MMP9: variants seen among roughly 807,000 people sequenced by gnomAD.
MMP9 encodes the protein matrix metallopeptidase 9.
A neutral mutation model predicts 76.4 loss-of-function variants in MMP9; 73 were observed. That is an observed-to-expected ratio of 0.96 (90% confidence interval 0.79 to 1.16). The LOEUF is 1.16. Among genes scored for constraint, MMP9 ranks in the 50% most tolerant of loss-of-function variants. MMP9 has a pLI of 0.00. For synonymous variants in MMP9, 412 were observed against 408.4 expected, an observed-to-expected ratio of 1.01 and a Z score of -0.11; for missense variants, 943 against 973.0, an observed-to-expected ratio of 0.97 and a Z score of 0.41.
Position 46,013,765 on chromosome 20 carries a change from G to C in MMP9, c.1719G>C (p.Glu573Asp), listed in dbSNP as rs781210808. 5.6e-6 allele frequency: 9 copies of C among 1,613,444 alleles called. No homozygotes were observed. The South Asian group carries it at 9.9e-5, about 18-fold the overall frequency. Reference protein sequence around the residue: ...LPRKLDSVFEERLSKKLFFFS... With the variant: ...LPRKLDSVFEDRLSKKLFFFS... ...GCAAGCTGGACTCGGTCTTTGAGGAGCGGCTCTCCAAGAAGCTTTTCTTCT... is the reference window on the plus strand; with the variant it reads ...GCAAGCTGGACTCGGTCTTTGAGGACCGGCTCTCCAAGAAGCTTTTCTTCT... The change falls in exon 10 of 13, where the codon GAG (glutamate) becomes GAC (aspartate). Residue 573 changes from glutamate (E) to aspartate (D), a missense_variant. Physicochemically the swap from Glu to Asp is conservative, Grantham distance 45. Transcript: ENST00000372330. The surrounding 1 kb of genome is among the most constrained non-coding windows in gnomAD (Gnocchi z 4.5).
At position 46,013,641 on chromosome 20, in the gene MMP9, C is replaced by T; in HGVS notation, c.1611-16C>T. ...CCAAGGCTTAGAGCCCGTCCTTTCCCTCCTCGCTTTCTCAGGAAGTACTGG... is the reference window on the plus strand; with the variant it reads ...CCAAGGCTTAGAGCCCGTCCTTTCCTTCCTCGCTTTCTCAGGAAGTACTGG... On this transcript the variant is annotated splice_polypyrimidine_tract_variant and intron_variant, in intron 9 of 12. Coordinates refer to ENST00000372330, the MANE Select transcript of MMP9 (RefSeq NM_004994.3). The surrounding 1 kb of genome is among the most constrained non-coding windows in gnomAD (Gnocchi z 4.5). 1.9e-6 allele frequency: 3 copies of T among 1,614,112 alleles called. No individual in the cohort carries two copies. Among genetic ancestry groups the T allele is most frequent in the Non-Finnish European group, 2.5e-6 (3 of 1,180,002 alleles).
At position 46,014,491 on chromosome 20, in the gene MMP9, A is replaced by T; in HGVS notation, c.2005+17A>T. 6.5e-7 allele frequency: 1 copy of T among 1,547,676 alleles called. No individual in the cohort carries two copies. The highest frequency in any genetic ancestry group is 8.7e-7 in the Non-Finnish European group (1 of 1,145,876). ...AGTACCGAGGTGAGGGCTGAGGAGG[A>T]TCCCTTCGTGAGACACCACACTAAG... On this transcript the variant is annotated intron_variant, in intron 12 of 12. Transcript: ENST00000372330.
Position 46,014,355 on chromosome 20 carries a change from C to G in MMP9, c.1902-16C>G. Reference sequence around the variant, plus strand: ...CTAGCCGGCTCAGCACCTGTCTCCTCCGCGCCTGCCCGCAGGTTCGACGTG... The same window carrying G: ...CTAGCCGGCTCAGCACCTGTCTCCTGCGCGCCTGCCCGCAGGTTCGACGTG... On this transcript the variant is annotated splice_polypyrimidine_tract_variant and intron_variant, in intron 11 of 12. Transcript: ENST00000372330. 1 of 1,545,944 alleles carries G rather than the reference C, an allele frequency of 6.5e-7. No homozygotes were observed. The highest frequency in any genetic ancestry group is 8.7e-7 in the Non-Finnish European group (1 of 1,146,886).
intron 2 of MMP9, 105 bp from the exon 3 acceptor site, chr20:46,010,378 G>A: frequency 8.5e-7 from 1 of 1,174,270 alleles, no homozygotes; most frequent in Non-Finnish European, 1.3e-6. Context: ...AGCGTGGACG[G>A]CAGAGAGCAT....
rs144229833 is a variant in MMP9, at chr20:46,011,275, A to C, written c.782A>C (p.Asn261Thr). Residue 261 changes from asparagine (N) to threonine (T), a missense_variant, in exon 5 of 13, where the codon AAC (asparagine) becomes ACC (threonine). Coordinates refer to ENST00000372330, the MANE Select transcript of MMP9 (RefSeq NM_004994.3). The part of the protein sequence containing the change: ...DGLPWCSTTA[N>T]YDTDDRFGFC... ...TTGCCCTGGTGCAGTACCACGGCCA[A>C]CTACGACACCGACGACCGGTTTGGC... 5.6e-6 allele frequency: 9 copies of C among 1,610,116 alleles called. No homozygotes were observed. Among genetic ancestry groups the C allele is most frequent in the Non-Finnish European group, 7.6e-6 (9 of 1,179,098 alleles).
chr20:46,011,863 G>A, intron 6 of MMP9, 116 bp downstream of exon 6: 11 of 1,301,044 alleles, frequency 8.5e-6, no homozygotes, highest in Non-Finnish European at 1.2e-5. Flanking sequence ...TCCTCAGGAC[G>A]ACCGTGACTC....
At chr20:46,016,021 C>T (rs936253423) in intron 12 of MMP9, among the ~76,000 whole-genome samples, 1 of 152,194 alleles carries the variant, frequency 6.6e-6, no homozygotes, top group African/African-American at 2.4e-5. Flanking sequence ...GTATGGTGTA[C>T]CTACTGTGTG....
chr20:46,016,292 G>A lies in MMP9; in HGVS notation c.2048G>A (p.Ser683Asn). 6.2e-7 allele frequency: 1 copy of A among 1,614,236 alleles called. No homozygotes were observed. Among genetic ancestry groups the A allele is most frequent in the South Asian group, 1.1e-5 (1 of 91,084 alleles). Residue 683 changes from serine (S) to asparagine (N), a missense_variant, in exon 13 of 13, where the codon AGT becomes AAT. Ser to Asn is a conservative substitution (Grantham distance 46). Coordinates refer to ENST00000372330, the MANE Select transcript of MMP9 (RefSeq NM_004994.3). ...FCQDRFYWRV[S>N]SRSELNQVDQ... ...CAGGACCGCTTCTACTGGCGCGTGA[G>A]TTCCCGGAGTGAGTTGAACCAGGTG...
chr20:46,014,094 C>T, intron 10 of MMP9, 30 bp from the exon 11 acceptor site: 1 of 1,534,162 alleles, frequency 6.5e-7, no homozygotes, highest in East Asian at 2.4e-5. Flanking sequence ...CTCTGCGCCC[C>T]CAAACCGACG....
chr20:46,010,663 CCT>C, intron 3 of MMP9, 32 bp downstream of exon 3: 1 of 1,601,726 alleles, frequency 6.2e-7, no homozygotes, highest in Non-Finnish European at 8.5e-7. Context: ...ATCCAAGAGA[CCT>C]GGGCGGGGTC....
intron 6 of MMP9, 74 bp from the exon 7 acceptor site, chr20:46,012,063 T>C: frequency 6.3e-7 from 1 of 1,575,332 alleles, no homozygotes; most frequent in Non-Finnish European, 8.7e-7. Context: ...ATTGTTTAGC[T>C]CCCTGTCGGG....
At position 46,014,186 on chromosome 20, in the gene MMP9, G is replaced by C; in HGVS notation, c.1813G>C (p.Gly605Arg). 1 of 1,539,296 alleles carries C rather than the reference G, an allele frequency of 6.5e-7. No homozygotes were observed. The highest frequency in any genetic ancestry group is 8.7e-7 in the Non-Finnish European group (1 of 1,145,830). ...VLGPRRLDKLGLGADVAQVTG... is the reference protein window; with the variant it reads ...VLGPRRLDKLRLGADVAQVTG... ...GGGCCCGAGGCGTCTGGACAAGCTG[G>C]GCCTGGGAGCCGACGTGGCCCAGGT... is the stretch of plus-strand genomic sequence containing the variant. Residue 605 changes from glycine (G) to arginine (R), a missense_variant, in exon 11 of 13, where the codon GGC becomes CGC. Transcript: ENST00000372330.
Position 46,009,005 on chromosome 20 carries a change from A to G in MMP9, c.79A>G (p.Thr27Ala), listed in dbSNP as rs2084259085. 8 of 1,613,802 alleles carry G rather than the reference A, an allele frequency of 5.0e-6. No individual in the cohort carries two copies. The highest frequency in any genetic ancestry group is 5.1e-6 in the Non-Finnish European group (6 of 1,179,924). Reference sequence around the variant, plus strand: ...TGCTGCCCCCAGACAGCGCCAGTCCACCCTTGTGCTCTTCCCTGGAGACCT... The same window carrying G: ...TGCTGCCCCCAGACAGCGCCAGTCCGCCCTTGTGCTCTTCCCTGGAGACCT... ...CFAAPRQRQSTLVLFPGDLRT... is the reference protein window; with the variant it reads ...CFAAPRQRQSALVLFPGDLRT... The change falls in exon 1 of 13, where the codon ACC becomes GCC. Residue 27 changes from threonine to alanine, a missense_variant. By Grantham distance (58) the Thr-to-Ala change is moderately conservative. Transcript: ENST00000372330.
chr20:46,015,573 C>T (rs529520108), intron 12 of MMP9, among the ~76,000 whole-genome samples: 53 of 151,688 alleles, frequency 3.5e-4, no homozygotes, highest in Non-Finnish European at 7.1e-4. Context: ...GCCTCAGCCT[C>T]CCAAGTAGCT....
In MMP9 at chr20:46,011,247, G is replaced by T. The variant is rs760957320; in HGVS notation, c.754G>T (p.Gly252Cys). 19 of 1,613,152 alleles carry T rather than the reference G, an allele frequency of 1.2e-5. No homozygotes were observed. The South Asian group carries it at 2.0e-4, about 17-fold the overall frequency. Reference sequence around the variant, plus strand: ...CTGCACCACCGACGGTCGCTCCGACGGCTTGCCCTGGTGCAGTACCACGGC... The same window carrying T: ...CTGCACCACCGACGGTCGCTCCGACTGCTTGCCCTGGTGCAGTACCACGGC... Reference protein sequence around the residue: ...SACTTDGRSDGLPWCSTTANY... With the variant: ...SACTTDGRSDCLPWCSTTANY... Residue 252 changes from glycine to cysteine, a missense_variant, in exon 5 of 13, where the codon GGC becomes TGC. Physicochemically the swap from Gly to Cys is radical, Grantham distance 159. Transcript: ENST00000372330.
In MMP9 at chr20:46,010,871, T is replaced by A. The variant is rs750553596; in HGVS notation, c.521-51T>A. 4.3e-6 allele frequency: 7 copies of A among 1,613,972 alleles called. No homozygotes were observed. In the African/African-American group the frequency reaches 6.7e-5, roughly 15 times the overall value. ...AGCCCTTGCCTTGGGCAGCGCACAA[T>A]CTGCGCAGCAGTACTCGGCTAACCC... On this transcript the variant is annotated intron_variant, in intron 3 of 12. Transcript: ENST00000372330.
intron 5 of MMP9, 39 bp downstream of exon 5, chr20:46,011,355 C>G (rs774058590): frequency 1.3e-6 from 2 of 1,593,272 alleles, no homozygotes; most frequent in Non-Finnish European, 1.7e-6. Flanking sequence ...GGGCGCCCAC[C>G]ACCCTTGATG....
chr20:46,013,913 C>G lies in MMP9; in HGVS notation c.1750+117C>G. 2 of 1,487,306 alleles carry G rather than the reference C, an allele frequency of 1.3e-6. No homozygotes were observed. 92.1% of individuals were successfully genotyped at this position (1,487,306 alleles called of 1,614,324 possible). A position where few individuals can be genotyped will look rare whatever the true frequency, so the allele number is the denominator to read the frequency against. On this transcript the variant is annotated intron_variant, in intron 10 of 12. Coordinates refer to ENST00000372330, the MANE Select transcript of MMP9 (RefSeq NM_004994.3). The surrounding 1 kb of genome is among the most constrained non-coding windows in gnomAD (Gnocchi z 4.5). Reference sequence around the variant, plus strand: ...CGTTTTAGAAAAATACGCCCCCTGGCGGACGCAGTTTAGCAAACGTAGGGG... The same window carrying G: ...CGTTTTAGAAAAATACGCCCCCTGGGGGACGCAGTTTAGCAAACGTAGGGG...
At chr20:46,012,096 A>G in intron 6 of MMP9, 41 bp from the exon 7 acceptor site, 1 of 1,607,680 alleles carries the variant, frequency 6.2e-7, no homozygotes, top group Non-Finnish European at 8.5e-7. Context: ...TCCTTATTGG[A>G]CTCATCCATC....
Sources: allele counts gnomAD v4.1 joint callset (sites outside exome capture counted in the v4.1 genomes callset), GRCh38; gene constraint gnomAD v4.1.1; non-coding constraint Gnocchi (gnomAD v3.1); transcripts MANE v1.5; gene names NCBI Gene and HGNC (gene_info 2026-07-23, HGNC 2026-07-21).